VWA8: variants seen among roughly 807,000 people sequenced by gnomAD.
VWA8 encodes the protein von Willebrand factor A domain containing 8.
Under a neutral mutation model 241.5 loss-of-function variants are expected in VWA8, and 221 were observed. The observed-to-expected ratio is 0.91, with a 90% CI of 0.82 to 1.02. The LOEUF (loss-of-function observed/expected upper bound fraction) is 1.02, where lower values mean the gene tolerates loss of function less well. VWA8 is among the 50% of genes least tolerant of loss of function. VWA8 has a pLI of 0.00. For missense variants in VWA8, 2,322 were observed against 2,328.7 expected (o/e 1.00, Z 0.06); for synonymous variants, 852 against 827.1 (o/e 1.03, Z -0.52).
chr13:41,855,295 C>T (rs914694532), intron 12 of VWA8, among the ~76,000 whole-genome samples: 13 of 143,582 alleles, frequency 9.1e-5, no homozygotes, highest in African/African-American at 1.5e-4. Context: ...TGGCCCACCA[C>T]GGGTTTAAAT....
At chr13:41,876,528 G>T (rs1381755737) in intron 9 of VWA8, among the ~76,000 whole-genome samples, 1 of 152,036 alleles carries the variant, frequency 6.6e-6, no homozygotes, top group Non-Finnish European at 1.5e-5. Context: ...TTATTCAAAT[G>T]TCATCTTCTC....
chr13:41,599,022 A>T (rs1052344195), intron 40 of VWA8, among the ~76,000 whole-genome samples: 8 of 151,964 alleles, frequency 5.3e-5, no homozygotes, highest in Non-Finnish European at 1.0e-4. Flanking sequence ...CTCTACAGGG[A>T]TATGATTTGT....
Position 41,701,508 on chromosome 13 carries a change from T to G in VWA8, c.3248A>C (p.Gln1083Pro). ...TTCATGTCTTTCTATTGGATACTCCTGTATATTTATAAGTGCTGGACCCTA... is the reference window on the plus strand; with the variant it reads ...TTCATGTCTTTCTATTGGATACTCCGGTATATTTATAAGTGCTGGACCCTA... ...DIKGPALINI[Q>P]EYPIERHEER... The change falls in exon 28 of 45, where the codon CAG becomes CCG. Residue 1083 changes from glutamine to proline, a missense_variant. Coordinates refer to ENST00000379310, the MANE Select transcript of VWA8 (RefSeq NM_015058.2). 6.2e-7 allele frequency: 1 copy of G among 1,609,250 alleles called. No homozygotes were observed. The highest frequency in any genetic ancestry group is 1.1e-5 in the South Asian group (1 of 90,134).
chr13:41,877,025 T>C (rs1873930637), intron 9 of VWA8, among the ~76,000 whole-genome samples: 1 of 152,092 alleles, frequency 6.6e-6, no homozygotes, highest in African/African-American at 2.4e-5. Flanking sequence ...CAAGTATTTA[T>C]CTTTAATATC....
intron 37 of VWA8, among the ~76,000 whole-genome samples, chr13:41,648,151 C>T (rs907103932): frequency 1.1e-4 from 16 of 152,084 alleles, no homozygotes; most frequent in South Asian, 6.2e-4. Flanking sequence ...TGGACGGTGT[C>T]GGTAGTCCCC....
chr13:41,897,911 C>G (rs1341899951), intron 4 of VWA8, among the ~76,000 whole-genome samples: 2 of 152,216 alleles, frequency 1.3e-5, no homozygotes, highest in African/African-American at 4.8e-5. Flanking sequence ...CCACATCCTG[C>G]TGATTGGTAG....
intron 2 of VWA8, among the ~76,000 whole-genome samples, chr13:41,921,872 T>C (rs534644957): frequency 6.6e-6 from 1 of 152,324 alleles, no homozygotes; most frequent in East Asian, 1.9e-4. Context: ...AGGTAATTTA[T>C]AGACTCAATG....
At chr13:41,708,621 G>A (rs2045297539) in intron 26 of VWA8, among the ~76,000 whole-genome samples, 2 of 152,110 alleles carry the variant, frequency 1.3e-5, no homozygotes, top group Non-Finnish European at 1.5e-5. Flanking sequence ...GCTTGGTTCT[G>A]CATTTAGCTA....
intron 43 of VWA8, among the ~76,000 whole-genome samples, chr13:41,572,370 G>A (rs1593622249): frequency 6.6e-6 from 1 of 152,260 alleles, no homozygotes; most frequent in Admixed American, 6.5e-5. Context: ...AGGGGGAAAT[G>A]TGGGGAAAAG....
At chr13:41,761,981 A>G (rs756013082) in intron 20 of VWA8, among the ~76,000 whole-genome samples, 18 of 152,130 alleles carry the variant, frequency 1.2e-4, no homozygotes, top group Non-Finnish European at 2.1e-4. Flanking sequence ...ACTTCATATC[A>G]TACATGCTAG....
intron 43 of VWA8, among the ~76,000 whole-genome samples, chr13:41,574,035 A>T (rs1276201161): frequency 6.6e-6 from 1 of 152,218 alleles, no homozygotes; most frequent in Non-Finnish European, 1.5e-5. Flanking sequence ...CCTGCTGTGA[A>T]TATTATGCAT....
At chr13:41,791,298 T>C (rs146913061) in intron 17 of VWA8, among the ~76,000 whole-genome samples, 121 of 151,996 alleles carry the variant, frequency 8.0e-4, no homozygotes, top group Non-Finnish European at 1.3e-3. Context: ...GAAAGGGTCA[T>C]GGAGTGATTA....
chr13:41,810,272 C>T (rs139700023), intron 17 of VWA8, among the ~76,000 whole-genome samples: 3 of 152,102 alleles, frequency 2.0e-5, no homozygotes, highest in East Asian at 3.9e-4. Flanking sequence ...GGTATATGCC[C>T]GGTATATGCC....
chr13:41,731,232 T>C (rs2045480756), intron 22 of VWA8, among the ~76,000 whole-genome samples: 1 of 151,922 alleles, frequency 6.6e-6, no homozygotes, highest in African/African-American at 2.4e-5. Flanking sequence ...CATGATGACT[T>C]ATTTGTGCCA....
At chr13:41,942,497 T>A (rs533101538) in intron 2 of VWA8, among the ~76,000 whole-genome samples, 1 of 152,300 alleles carries the variant, frequency 6.6e-6, no homozygotes, top group African/African-American at 2.4e-5. Flanking sequence ...ACAATCTGCA[T>A]AGATGTGTCA....
chr13:41,926,247 G>A, intron 2 of VWA8: 1 of 676,442 alleles, frequency 1.5e-6, no homozygotes. Context: ...TCTTCACTGT[G>A]GCCTCAAAGA....
At chr13:41,788,096 C>A (rs1869289810) in intron 17 of VWA8, among the ~76,000 whole-genome samples, 1 of 152,122 alleles carries the variant, frequency 6.6e-6, no homozygotes, top group African/African-American at 2.4e-5. Context: ...AGTTATTCTT[C>A]AAACAAACGG....
At chr13:41,602,412 T>A (rs905051105) in intron 40 of VWA8, among the ~76,000 whole-genome samples, 1 of 152,102 alleles carries the variant, frequency 6.6e-6, no homozygotes, top group Non-Finnish European at 1.5e-5. Context: ...TACACCATCT[T>A]TCTAATCTTC....
At chr13:41,747,113 A>C (rs572137307) in intron 21 of VWA8, among the ~76,000 whole-genome samples, 2 of 152,202 alleles carry the variant, frequency 1.3e-5, no homozygotes, top group African/African-American at 4.8e-5. Flanking sequence ...ACTTTAAAGC[A>C]GTTTTTTCCA....
Sources: allele counts gnomAD v4.1 joint callset (sites outside exome capture counted in the v4.1 genomes callset), GRCh38; gene constraint gnomAD v4.1.1; transcripts MANE v1.5; gene names NCBI Gene and HGNC (gene_info 2026-07-23, HGNC 2026-07-21).